SLCO3A1: variants seen among roughly 807,000 people sequenced by gnomAD.
SLCO3A1 encodes the protein solute carrier organic anion transporter family member 3A1.
A neutral mutation model predicts 63.1 loss-of-function variants in SLCO3A1; 27 were observed. The observed-to-expected ratio is 0.43, with a 90% CI of 0.32 to 0.59. The LOEUF (loss-of-function observed/expected upper bound fraction) is 0.59, where lower values mean the gene tolerates loss of function less well. Ranked by LOEUF, SLCO3A1 falls within the 20% of genes least tolerant of loss-of-function variation. SLCO3A1 has a pLI of 0.09. For synonymous variants in SLCO3A1, 473 were observed against 409.9 expected, an observed-to-expected ratio of 1.15 and a Z score of -1.86; for missense variants, 773 against 945.8, an observed-to-expected ratio of 0.82 and a Z score of 2.40.
chr15:92,072,801 C>T (rs928169003), intron 2 of SLCO3A1, among the ~76,000 whole-genome samples: 7 of 152,144 alleles, frequency 4.6e-5, no homozygotes, highest in African/African-American at 1.4e-4. Context: ...GATTTATGGG[C>T]CCACTAAGGT....
At chr15:91,980,222 C>T (rs924096253) in intron 2 of SLCO3A1, among the ~76,000 whole-genome samples, 2 of 152,078 alleles carry the variant, frequency 1.3e-5, no homozygotes, top group African/African-American at 2.4e-5. Context: ...GGCCTCGCTG[C>T]CCCGGTGGAG....
chr15:92,159,279 G>A (rs1221288366), intron 9 of SLCO3A1, among the ~76,000 whole-genome samples: 1 of 152,154 alleles, frequency 6.6e-6, no homozygotes. Context: ...AAGGTCAAGA[G>A]ATCGAGACCA....
chr15:91,996,659 T>C, intron 2 of SLCO3A1, among the ~76,000 whole-genome samples: 2 of 152,258 alleles, frequency 1.3e-5, no homozygotes, highest in African/African-American at 4.8e-5. Context: ...ATAGATGTTA[T>C]TTGAACTGCC....
intron 2 of SLCO3A1, among the ~76,000 whole-genome samples, chr15:92,057,121 C>T (rs1390685234): frequency 6.6e-6 from 1 of 152,204 alleles, no homozygotes; most frequent in East Asian, 1.9e-4. Flanking sequence ...CTCAGGAAGC[C>T]TGGCAGGCAC....
intron 2 of SLCO3A1, among the ~76,000 whole-genome samples, chr15:91,986,194 C>A (rs1031163217): frequency 2.0e-5 from 3 of 152,244 alleles, no homozygotes. Context: ...TTTGCCCTTT[C>A]CTCGGCTACT....
chr15:92,087,521 T>A (rs866646621), intron 2 of SLCO3A1, among the ~76,000 whole-genome samples: 8 of 149,586 alleles, frequency 5.3e-5, no homozygotes, highest in South Asian at 2.1e-4. Flanking sequence ...CTATTATTTT[T>A]TTTTTTTTTT....
chr15:91,934,826 G>A (rs916617682), intron 2 of SLCO3A1, among the ~76,000 whole-genome samples: 1 of 152,184 alleles, frequency 6.6e-6, no homozygotes, highest in Non-Finnish European at 1.5e-5. Context: ...TGTTGCCAGT[G>A]AGTTGTATAA....
intron 1 of SLCO3A1, among the ~76,000 whole-genome samples, chr15:91,870,491 G>A (rs1331460309): frequency 6.6e-6 from 1 of 152,184 alleles, no homozygotes; most frequent in African/African-American, 2.4e-5. Context: ...TAATTCTGAT[G>A]TATATTACTG....
intron 2 of SLCO3A1, among the ~76,000 whole-genome samples, chr15:91,988,037 CAG>C (rs2046076830): frequency 1.3e-5 from 2 of 152,186 alleles, no homozygotes; most frequent in Non-Finnish European, 2.9e-5. Flanking sequence ...TGTCACCTGA[CAG>C]ATAATTGTGT....
At chr15:91,961,693 C>G (rs1176176841) in intron 2 of SLCO3A1, among the ~76,000 whole-genome samples, 1 of 152,226 alleles carries the variant, frequency 6.6e-6, no homozygotes, top group Admixed American at 6.5e-5. Flanking sequence ...ATACCCTTCC[C>G]CTACTCATCT....
At chr15:92,020,205 TAC>T (rs890802092) in intron 2 of SLCO3A1, among the ~76,000 whole-genome samples, 26 of 150,296 alleles carry the variant, frequency 1.7e-4, no homozygotes, top group African/African-American at 3.2e-4. Context: ...TGTGTATATA[TAC>T]ACACACACAC....
chr15:91,916,150 G>T lies in SLCO3A1; in HGVS notation c.338G>T (p.Gly113Val). The change falls in exon 2 of 10, where the codon GGC becomes GTC. Residue 113 changes from glycine (G) to valine (V), a missense_variant. Physicochemically the swap from Gly to Val is moderately radical, Grantham distance 109. Around this residue, in one of 3 missense-constraint regions of SLCO3A1, gnomAD observed 565 missense variants for 749.8 expected, o/e 0.75. Coordinates refer to ENST00000318445, the MANE Select transcript of SLCO3A1 (RefSeq NM_013272.4). This position sits in a 1 kb window ranked among gnomAD's most constrained non-coding sequence, Gnocchi z 6.2. ...CGGCCGCGCCTGATCGGCTGCGGCGGCATCGTCATGGCGCTGGGCGCGCTG... is the reference window on the plus strand; with the variant it reads ...CGGCCGCGCCTGATCGGCTGCGGCGTCATCGTCATGGCGCTGGGCGCGCTG... Reference protein sequence around the residue: ...GHRPRLIGCGGIVMALGALLS... With the variant: ...GHRPRLIGCGVIVMALGALLS... The T allele has an allele frequency of 1.2e-6, 2 of 1,607,590 alleles. No individual in the cohort carries two copies. The highest frequency in any genetic ancestry group is 1.7e-6 in the Non-Finnish European group (2 of 1,178,634).
At chr15:91,915,436 C>T (rs1898621788) in intron 1 of SLCO3A1, among the ~76,000 whole-genome samples, 1 of 152,118 alleles carries the variant, frequency 6.6e-6, no homozygotes, top group Non-Finnish European at 1.5e-5. Context: ...AATTTCCAGA[C>T]GGAAGCAAAG....
rs946412272 is a variant in SLCO3A1 at position 91,980,218 on chromosome 15, G to A, written c.646+63760G>A. 9.9e-5 allele frequency among the ~76,000 whole-genome samples: 15 copies of A among 152,056 alleles called. 1 individual carries two copies. Among genetic ancestry groups the A allele is most frequent in the African/African-American group, 2.2e-4 (9 of 41,382 alleles). On this transcript the variant is annotated intron_variant, in intron 2 of 9. Transcript: ENST00000318445. ...AGGGGTTGGTGTGGGGAGAGGCCTC[G>A]CTGCCCCGGTGGAGCTGCCCAAGGG...
At chr15:91,881,676 G>T (rs897566502) in intron 1 of SLCO3A1, among the ~76,000 whole-genome samples, 1 of 152,134 alleles carries the variant, frequency 6.6e-6, no homozygotes, top group Non-Finnish European at 1.5e-5. Flanking sequence ...GTCAGTCAGC[G>T]AGCCAGTCAG....
chr15:92,073,741 C>G (rs1023184240), intron 2 of SLCO3A1, among the ~76,000 whole-genome samples: 3 of 152,220 alleles, frequency 2.0e-5, no homozygotes, highest in Admixed American at 6.5e-5. Flanking sequence ...GGTTCAGTGG[C>G]ATTTTTGGCC....
chr15:91,959,879 T>A (rs990909699), intron 2 of SLCO3A1, among the ~76,000 whole-genome samples: 1 of 152,216 alleles, frequency 6.6e-6, no homozygotes, highest in Non-Finnish European at 1.5e-5. Context: ...ATCACTTTCA[T>A]TATGCCCTCC....
At chr15:92,135,484 C>T (rs896768086) in intron 7 of SLCO3A1, among the ~76,000 whole-genome samples, 3 of 152,208 alleles carry the variant, frequency 2.0e-5, no homozygotes, top group African/African-American at 7.2e-5. Flanking sequence ...TTTCTTCTTG[C>T]AGTTTTTCAG....
rs528286457 is a variant in SLCO3A1, at chr15:92,000,426, G to A, written c.646+83968G>A. Among the ~76,000 whole-genome samples, 3 of 151,638 alleles carry A rather than the reference G, an allele frequency of 2.0e-5. No individual in the cohort carries two copies. In the South Asian group the frequency reaches 6.3e-4, roughly 32 times the overall value. ...TTTAAAAAAAAAAAAAGAATCTGGG[G>A]AGTGACTGCTTAATGAGTATGTGTT... On this transcript the variant is annotated intron_variant, in intron 2 of 9. Coordinates refer to ENST00000318445, the MANE Select transcript of SLCO3A1 (RefSeq NM_013272.4).
Sources: gnomAD v4.1 joint callset for allele counts (sites outside exome capture counted in the v4.1 genomes callset) on GRCh38, gnomAD v4.1.1 for gene constraint, gnomAD v4.1.1 regional missense constraint, Gnocchi (gnomAD v3.1) non-coding constraint, MANE v1.5 for transcripts, NCBI Gene and HGNC (gene_info 2026-07-23, HGNC 2026-07-21) for gene names.